Variants in FRMD5 observed in about 807,000 individuals in gnomAD.
The protein encoded by FRMD5 is FERM domain containing 5, also known as FERM domain-containing protein 5.
FRMD5 carries 20 observed loss-of-function variants against 69.0 expected under a neutral mutation model. That is an observed-to-expected ratio of 0.29 (90% CI 0.20 to 0.42). FRMD5 has a LOEUF of 0.42. Among genes scored for constraint, FRMD5 ranks in the 10% least tolerant of loss-of-function variants. FRMD5 has a pLI of 1.00. For synonymous variants in FRMD5, 271 were observed against 260.1 expected (o/e 1.04, Z -0.40); for missense variants, 595 against 708.6 (o/e 0.84, Z 1.82).
At chr15:43,938,450 G>A (rs1342910955) in intron 1 of FRMD5, among the ~76,000 whole-genome samples, 1 of 152,110 alleles carries the variant, frequency 6.6e-6, no homozygotes, top group Admixed American at 6.5e-5. Flanking sequence ...CTTTCCAAAC[G>A]CTAGACTCTT....
intron 6 of FRMD5, among the ~76,000 whole-genome samples, chr15:43,902,632 G>A (rs774678573): frequency 6.7e-5 from 10 of 148,720 alleles, no homozygotes; most frequent in Non-Finnish European, 1.3e-4. Context: ...CGAGGTTTCA[G>A]TGAGCTATGG....
At chr15:43,913,101 C>G (rs2089320121) in intron 4 of FRMD5, among the ~76,000 whole-genome samples, 1 of 151,990 alleles carries the variant, frequency 6.6e-6, no homozygotes, top group Non-Finnish European at 1.5e-5. Context: ...TCTCCTCCCA[C>G]CCAAGGGAAC....
chr15:44,008,067 G>A (rs1222893412), intron 1 of FRMD5, among the ~76,000 whole-genome samples: 5 of 148,324 alleles, frequency 3.4e-5, no homozygotes, highest in African/African-American at 5.0e-5. Flanking sequence ...TCAGCCTACT[G>A]AGTAGGTGGG....
At chr15:44,135,815 C>G (rs867310967) in intron 1 of FRMD5, among the ~76,000 whole-genome samples, 8 of 126,160 alleles carry the variant, frequency 6.3e-5, no homozygotes, top group African/African-American at 2.8e-4. Context: ...CAGAGTGAGA[C>G]TCTGTCTCAA....
chr15:44,114,458 C>A (rs186981428), intron 1 of FRMD5, among the ~76,000 whole-genome samples: 1 of 152,346 alleles, frequency 6.6e-6, no homozygotes, highest in Non-Finnish European at 1.5e-5. Context: ...CTGACAAGAT[C>A]TCCACAGGGA....
At chr15:43,965,651 C>T (rs913866176) in intron 1 of FRMD5, among the ~76,000 whole-genome samples, 4 of 150,384 alleles carry the variant, frequency 2.7e-5, no homozygotes, top group African/African-American at 9.8e-5. Context: ...GCACAATCTC[C>T]GCTCACCACA....
chr15:44,049,338 T>C (rs1365615469), intron 1 of FRMD5, among the ~76,000 whole-genome samples: 1 of 152,112 alleles, frequency 6.6e-6, no homozygotes, highest in Non-Finnish European at 1.5e-5. Context: ...CTTAAAGAAA[T>C]AAGGCACACA....
At chr15:44,027,096 A>T (rs1246185271) in intron 1 of FRMD5, among the ~76,000 whole-genome samples, 1 of 152,214 alleles carries the variant, frequency 6.6e-6, no homozygotes, top group Non-Finnish European at 1.5e-5. Flanking sequence ...TTGTTCACAA[A>T]CTGTGGACAA....
chr15:44,121,778 TG>T (rs2076955111), intron 1 of FRMD5, among the ~76,000 whole-genome samples: 1 of 151,940 alleles, frequency 6.6e-6, no homozygotes, highest in African/African-American at 2.4e-5. Context: ...ATGGATCATG[TG>T]AGGTCAAGAG....
chr15:44,016,978 CA>C (rs1423477350), intron 1 of FRMD5, among the ~76,000 whole-genome samples: 4 of 151,940 alleles, frequency 2.6e-5, no homozygotes, highest in African/African-American at 9.7e-5. Context: ...TACCATGTTG[CA>C]GGCTTGTCTT....
intron 1 of FRMD5, among the ~76,000 whole-genome samples, chr15:44,181,969 A>T (rs144258179): frequency 6.6e-5 from 10 of 151,678 alleles, no homozygotes; most frequent in African/African-American, 2.4e-4. Context: ...TGATGGGTTC[A>T]TTTTTTCACC....
chr15:44,007,247 A>C (rs1890493251), intron 1 of FRMD5, among the ~76,000 whole-genome samples: 1 of 152,170 alleles, frequency 6.6e-6, no homozygotes, highest in South Asian at 2.1e-4. Context: ...GCTATTACAC[A>C]CTTGACAGAC....
chr15:43,873,201 GTGGTCCC>G lies in FRMD5; in HGVS notation c.*677_*683del. On this transcript the variant is annotated 3_prime_UTR_variant, in exon 14 of 14. Coordinates refer to ENST00000417257, the MANE Select transcript of FRMD5 (RefSeq NM_032892.5). ...CCCTGATGCTGCTGTTGCTGTAGCGGTGGTCCCTTCAGATGCCCACTCTGCTCAGATT... is the reference window on the plus strand; with the variant it reads ...CCCTGATGCTGCTGTTGCTGTAGCGGTTCAGATGCCCACTCTGCTCAGATT... 1 of 1,550,530 alleles carries G rather than the reference GTGGTCCC, an allele frequency of 6.4e-7. No homozygotes were observed. Among genetic ancestry groups the G allele is most frequent in the Non-Finnish European group, 8.7e-7 (1 of 1,146,984 alleles).
rs1472005974 is a variant in FRMD5 at position 43,919,752 on chromosome 15, A to G, written c.250+15T>C. On this transcript the variant is annotated intron_variant, in intron 3 of 13. Coordinates refer to ENST00000417257, the MANE Select transcript of FRMD5 (RefSeq NM_032892.5). The stretch of plus-strand genomic sequence containing the variant: ...CCAGGGGTGTGGCTTGAGTCTTTTC[A>G]TGGAGAATACTTACATCTCAATTGT... 1 of 1,613,212 alleles carries G rather than the reference A, an allele frequency of 6.2e-7. No individual in the cohort carries two copies. Among genetic ancestry groups the G allele is most frequent in the African/African-American group, 1.3e-5 (1 of 74,924 alleles).
intron 1 of FRMD5, among the ~76,000 whole-genome samples, chr15:44,051,577 T>C (rs1892668647): frequency 6.6e-6 from 1 of 152,098 alleles, no homozygotes; most frequent in African/African-American, 2.4e-5. Context: ...ATAAAATCCA[T>C]ACTTTATTCA....
chr15:44,077,449 AAG>A (rs1893816416), intron 1 of FRMD5, among the ~76,000 whole-genome samples: 1 of 152,146 alleles, frequency 6.6e-6, no homozygotes, highest in South Asian at 2.1e-4. Context: ...CCAAAACTGT[AAG>A]AGATTACAAA....
At chr15:43,929,093 G>T (rs868396202) in intron 1 of FRMD5, among the ~76,000 whole-genome samples, 1 of 152,172 alleles carries the variant, frequency 6.6e-6, no homozygotes, top group South Asian at 2.1e-4. Flanking sequence ...TGCACAGAAT[G>T]ATTCATGAGC....
At chr15:44,181,234 C>T (rs572172155) in intron 1 of FRMD5, among the ~76,000 whole-genome samples, 70 of 151,820 alleles carry the variant, frequency 4.6e-4, no homozygotes, top group Middle Eastern at 3.4e-3. Context: ...GTAGAGACAG[C>T]GGTCTCACTA....
intron 7 of FRMD5, among the ~76,000 whole-genome samples, chr15:43,896,813 A>G (rs1047183975): frequency 6.6e-6 from 1 of 152,312 alleles, no homozygotes; most frequent in Admixed American, 6.5e-5. Flanking sequence ...TGATGAATGA[A>G]GCCACTATTT....
Sources: allele counts gnomAD v4.1 joint callset (sites outside exome capture counted in the v4.1 genomes callset), GRCh38; gene constraint gnomAD v4.1.1; transcripts MANE v1.5; gene names NCBI Gene and HGNC (gene_info 2026-07-23, HGNC 2026-07-21).